Variants in AKAP19 observed in about 807,000 individuals in gnomAD.
The protein encoded by AKAP19 is A-kinase anchoring protein 19, also known as small A-kinase anchoring protein.
At chr2:189,941,583 A>G in the AKAP19 span, among the ~76,000 whole-genome samples, 1 of 152,254 alleles carries the variant, frequency 6.6e-6, no homozygotes, top group Non-Finnish European at 1.5e-5. Context: ...TTTGAGATCC[A>G]AAGTAAATAT....
At chr2:190,069,786 G>T in the AKAP19 span, among the ~76,000 whole-genome samples, 1 of 152,068 alleles carries the variant, frequency 6.6e-6, no homozygotes, top group East Asian at 1.9e-4. Context: ...TTTATGATAG[G>T]TACTATGCCA....
chr2:189,980,992 C>T, the AKAP19 span, among the ~76,000 whole-genome samples: 109 of 152,190 alleles, frequency 7.2e-4, no homozygotes, highest in East Asian at 2.5e-3. Flanking sequence ...AAAATGTATA[C>T]GCTGTGGTTT....
the AKAP19 span, among the ~76,000 whole-genome samples, chr2:190,086,130 A>G: frequency 1.3e-5 from 2 of 152,236 alleles, no homozygotes; most frequent in Non-Finnish European, 2.9e-5. Flanking sequence ...AATCTATCAC[A>G]TAGTATAAGC....
chr2:189,921,902 G>T, the AKAP19 span, among the ~76,000 whole-genome samples: 3,760 of 152,248 alleles, frequency 0.025, 66 homozygotes, highest in Non-Finnish European at 0.042. Context: ...GTTAGGCTCT[G>T]GGGAAAGGGT....
At chr2:190,057,127 C>T in the AKAP19 span, 2 of 909,012 alleles carry the variant, frequency 2.2e-6, no homozygotes, top group Non-Finnish European at 3.4e-6. Context: ...AGTTTACATA[C>T]TGTAGCTTAT....
At chr2:189,920,957 C>T in the AKAP19 span, among the ~76,000 whole-genome samples, 1 of 152,196 alleles carries the variant, frequency 6.6e-6, no homozygotes, top group African/African-American at 2.4e-5. Context: ...TCAATTGCTA[C>T]ACCTCCATCT....
At chr2:189,932,118 T>C in the AKAP19 span, among the ~76,000 whole-genome samples, 2 of 152,222 alleles carry the variant, frequency 1.3e-5, no homozygotes, top group African/African-American at 4.8e-5. Context: ...ATCATCTTTA[T>C]CCATGTGACC....
the AKAP19 span, among the ~76,000 whole-genome samples, chr2:190,147,250 A>G: frequency 6.6e-6 from 1 of 152,106 alleles, no homozygotes; most frequent in Non-Finnish European, 1.5e-5. Flanking sequence ...CATTTGTTGA[A>G]AAGGGTGTCC....
At chr2:190,174,714 C>T in the AKAP19 span, among the ~76,000 whole-genome samples, 7 of 152,178 alleles carry the variant, frequency 4.6e-5, no homozygotes, top group East Asian at 7.7e-4. Flanking sequence ...AAATTTTGGA[C>T]CAATGGTTAT....
chr2:190,091,147 T>C, the AKAP19 span, among the ~76,000 whole-genome samples: 1 of 152,220 alleles, frequency 6.6e-6, no homozygotes, highest in Non-Finnish European at 1.5e-5. Context: ...TTCATATTTC[T>C]AAGAATAGGA....
chr2:189,930,896 A>G, the AKAP19 span: 8 of 715,594 alleles, frequency 1.1e-5, no homozygotes, highest in African/African-American at 5.3e-5. Flanking sequence ...TGTTCCTGAT[A>G]TGGCAGCGGC....
the AKAP19 span, chr2:189,917,257 T>C: frequency 7.7e-7 from 1 of 1,296,948 alleles, no homozygotes; most frequent in Non-Finnish European, 1.1e-6. Flanking sequence ...AAACACTGTC[T>C]TCGCTGTCTG....
At chr2:189,925,330 T>G in the AKAP19 span, among the ~76,000 whole-genome samples, 1 of 152,158 alleles carries the variant, frequency 6.6e-6, no homozygotes, top group African/African-American at 2.4e-5. Context: ...ATATAACTTA[T>G]GCAAATAATA....
At chr2:190,013,505 GTATT>G in the AKAP19 span, among the ~76,000 whole-genome samples, 7 of 151,192 alleles carry the variant, frequency 4.6e-5, no homozygotes, top group South Asian at 6.3e-4. Context: ...TTGTTTATTT[GTATT>G]TATTTATTTA....
the AKAP19 span, chr2:190,180,972 G>C: frequency 8.1e-6 from 8 of 985,442 alleles, no homozygotes; most frequent in African/African-American, 1.4e-4. The surrounding 1 kb of genome is among the most constrained non-coding windows in gnomAD (Gnocchi z 6.8). Context: ...CCGCCCAGAC[G>C]CCAGCAAGCC....
the AKAP19 span, among the ~76,000 whole-genome samples, chr2:189,963,610 ACTT>A: frequency 2.0e-5 from 3 of 152,178 alleles, no homozygotes; most frequent in African/African-American, 4.8e-5. Context: ...GTTGGAATCA[ACTT>A]CTTCAAACTC....
At chr2:190,133,235 CAAAAAAAA>C in the AKAP19 span, among the ~76,000 whole-genome samples, 206 of 58,104 alleles carry the variant, frequency 3.5e-3, 1 homozygote, top group Middle Eastern at 0.037. Context: ...GAGACTCTGC[CAAAAAAAA>C]AAAAAAAAAA....
the AKAP19 span, chr2:190,201,984 T>C: frequency 6.0e-6 from 1 of 167,032 alleles, no homozygotes; most frequent in African/African-American, 2.4e-5. Flanking sequence ...CAATTAGGTA[T>C]ATAAAATAAG....
At chr2:189,916,486 T>A in the AKAP19 span, among the ~76,000 whole-genome samples, 1 of 152,008 alleles carries the variant, frequency 6.6e-6, no homozygotes, top group East Asian at 1.9e-4. Context: ...CATGCCCAGC[T>A]AATTTTTGTA....
Sources: allele counts gnomAD v4.1 joint callset (sites outside exome capture counted in the v4.1 genomes callset), GRCh38; gene constraint gnomAD v4.1.1; non-coding constraint Gnocchi (gnomAD v3.1); transcripts MANE v1.5; gene names NCBI Gene and HGNC (gene_info 2026-07-23, HGNC 2026-07-21).